NAALADL2: variants seen among roughly 807,000 people sequenced by gnomAD.
NAALADL2 encodes the protein N-acetylated alpha-linked acidic dipeptidase like 2.
In NAALADL2, 76 loss-of-function variants were observed where a neutral mutation model predicts 87.2. That is an observed-to-expected ratio of 0.87 (90% CI 0.72 to 1.05). The LOEUF (loss-of-function observed/expected upper bound fraction) is 1.05. Ranked by LOEUF, NAALADL2 falls within the 50% of genes least tolerant of loss-of-function variation. The probability of loss-of-function intolerance (pLI) is 0.00; values close to 1 mark genes in which losing one functional copy is unlikely to be tolerated. For missense variants in NAALADL2, 1,089 were observed against 945.8 expected (o/e 1.15, Z -1.99); for synonymous variants, 354 against 331.0 (o/e 1.07, Z -0.75).
chr3:175,319,599 C>T (rs1449805690), intron 4 of NAALADL2, among the ~76,000 whole-genome samples: 1 of 152,118 alleles, frequency 6.6e-6, no homozygotes, highest in Non-Finnish European at 1.5e-5. Context: ...TCGGCAATAT[C>T]ATTTGGGGTC....
chr3:175,387,040 G>A (rs1050272852), intron 5 of NAALADL2, among the ~76,000 whole-genome samples: 1 of 152,090 alleles, frequency 6.6e-6, no homozygotes. Context: ...AGCAATGAGT[G>A]TTATATCTGT....
At chr3:175,473,566 CTT>C (rs747834949) in intron 9 of NAALADL2, among the ~76,000 whole-genome samples, 12 of 151,154 alleles carry the variant, frequency 7.9e-5, no homozygotes, top group East Asian at 3.9e-4. Flanking sequence ...ATATAAATAA[CTT>C]AATATATATT....
chr3:175,770,016 A>C (rs1379782892), intron 13 of NAALADL2, among the ~76,000 whole-genome samples: 1 of 152,098 alleles, frequency 6.6e-6, no homozygotes, highest in East Asian at 1.9e-4. Context: ...GATTAGATGA[A>C]GCCTACCCAC....
chr3:174,575,458 A>C (rs1458827005), intron 2 of NAALADL2, among the ~76,000 whole-genome samples: 1 of 152,156 alleles, frequency 6.6e-6, no homozygotes, highest in Non-Finnish European at 1.5e-5. Context: ...TTAGTGATGA[A>C]TTTGCCTAAA....
intron 11 of NAALADL2, among the ~76,000 whole-genome samples, chr3:175,674,247 G>GTT (rs201365082): frequency 1.4e-4 from 20 of 139,946 alleles, no homozygotes; most frequent in African/African-American, 4.7e-4. Context: ...AACTGATAGT[G>GTT]TTTTTTTTTT....
chr3:175,364,526 T>A (rs1478859406), intron 5 of NAALADL2, among the ~76,000 whole-genome samples: 1 of 147,692 alleles, frequency 6.8e-6, no homozygotes, highest in Non-Finnish European at 1.5e-5. Flanking sequence ...TTGTTTAAAT[T>A]ACTCAAACGT....
intron 10 of NAALADL2, among the ~76,000 whole-genome samples, chr3:175,619,468 T>TG (rs1320448592): frequency 0.017 from 503 of 30,104 alleles, 2 homozygotes; most frequent in Admixed American, 0.025. Flanking sequence ...CCTAACATGG[T>TG]GGGAAAAAAA....
chr3:174,936,924 T>G (rs138331854), intron 1 of NAALADL2, among the ~76,000 whole-genome samples: 1 of 152,250 alleles, frequency 6.6e-6, no homozygotes. Context: ...GACGATTTCG[T>G]GGGAGCACAC....
intron 12 of NAALADL2, among the ~76,000 whole-genome samples, chr3:175,745,417 T>C (rs148185803): frequency 7.0e-4 from 106 of 152,268 alleles, no homozygotes; most frequent in African/African-American, 2.2e-3. Context: ...GAGAATTGGT[T>C]CCAGGAACTC....
intron 11 of NAALADL2, among the ~76,000 whole-genome samples, chr3:175,645,870 A>G (rs1729940344): frequency 6.6e-6 from 1 of 152,146 alleles, no homozygotes; most frequent in Non-Finnish European, 1.5e-5. Flanking sequence ...TTTAAAGTAG[A>G]TAATGATGAC....
At chr3:175,143,526 C>A (rs1730315638) in intron 2 of NAALADL2, among the ~76,000 whole-genome samples, 2 of 132,564 alleles carry the variant, frequency 1.5e-5, no homozygotes, top group African/African-American at 2.9e-5. Context: ...TTGAAAGTGC[C>A]AGTAATCTAA....
chr3:175,294,261 T>C (rs1756027202), intron 4 of NAALADL2, among the ~76,000 whole-genome samples: 1 of 152,232 alleles, frequency 6.6e-6, no homozygotes, highest in Non-Finnish European at 1.5e-5. Context: ...TGTTCTTCTA[T>C]TCCTTGAAGA....
chr3:175,150,530 T>A lies in NAALADL2; in HGVS notation c.545+53239T>A, dbSNP rs562514915. On this transcript the variant is annotated intron_variant, in intron 2 of 13. Transcript: ENST00000454872. ...ATGGTGAGTGCACCCACAAAAATAG[T>A]TGTTTGATCACGTTTACCTCCAGAA... 7.4e-4 allele frequency among the ~76,000 whole-genome samples: 112 copies of A among 152,270 alleles called. 4 individuals carry two copies. In the South Asian group the frequency reaches 0.023, roughly 31 times the overall value.
intron 2 of NAALADL2, among the ~76,000 whole-genome samples, chr3:174,716,726 A>G (rs925592146): frequency 2.0e-5 from 3 of 152,070 alleles, no homozygotes; most frequent in Non-Finnish European, 4.4e-5. Flanking sequence ...ATACATATAT[A>G]TCCACACACC....
chr3:175,103,951 C>A (rs1162675318), intron 2 of NAALADL2, among the ~76,000 whole-genome samples: 1 of 152,128 alleles, frequency 6.6e-6, no homozygotes, highest in Non-Finnish European at 1.5e-5. Flanking sequence ...TCACCTATGT[C>A]TTTCTCACCA....
At chr3:174,525,478 C>T (rs542330426) in intron 1 of NAALADL2, among the ~76,000 whole-genome samples, 16 of 152,154 alleles carry the variant, frequency 1.1e-4, no homozygotes, top group East Asian at 7.8e-4. Flanking sequence ...TTGTGTGAAC[C>T]GAGTGAGAAC....
chr3:174,726,970 G>T (rs1732255336), intron 2 of NAALADL2, among the ~76,000 whole-genome samples: 1 of 151,748 alleles, frequency 6.6e-6, no homozygotes, highest in Non-Finnish European at 1.5e-5. Context: ...GAGAATATGT[G>T]GTTCATTTAT....
intron 3 of NAALADL2, among the ~76,000 whole-genome samples, chr3:175,243,327 C>CAT (rs1747293259): frequency 6.7e-6 from 1 of 149,266 alleles, no homozygotes; most frequent in Admixed American, 6.6e-5. Flanking sequence ...AGGAAACACA[C>CAT]ACACACACAC....
At chr3:174,590,402 A>G (rs1717236342) in intron 2 of NAALADL2, among the ~76,000 whole-genome samples, 1 of 152,166 alleles carries the variant, frequency 6.6e-6, no homozygotes, top group Admixed American at 6.5e-5. Context: ...TAAGGCTTGC[A>G]TGGATTTTTT....
Sources: gnomAD v4.1 joint callset for allele counts (sites outside exome capture counted in the v4.1 genomes callset) on GRCh38, gnomAD v4.1.1 for gene constraint, MANE v1.5 for transcripts, NCBI Gene and HGNC (gene_info 2026-07-23, HGNC 2026-07-21) for gene names.